ZC3H14: variants seen among roughly 807,000 people sequenced by gnomAD.
The protein encoded by ZC3H14 is zinc finger CCCH-type containing 14, also known as zinc finger CCCH domain-containing protein 14.
Under a neutral mutation model 92.4 loss-of-function variants are expected in ZC3H14, and 31 were observed. The observed-to-expected ratio is 0.34, with a 90% CI of 0.25 to 0.45. ZC3H14 has a LOEUF of 0.45. Among genes scored for constraint, ZC3H14 ranks in the 20% least tolerant of loss-of-function variants. The pLI is 1.00. For synonymous variants in ZC3H14, 321 were observed against 300.9 expected, an observed-to-expected ratio of 1.07 and a Z score of -0.69; for missense variants, 781 against 897.3, an observed-to-expected ratio of 0.87 and a Z score of 1.66.
rs910678383 is a variant in ZC3H14 at position 88,615,865 on chromosome 14, A to G, written c.*4114A>G. The G allele has an allele frequency of 1.7e-5, 27 of 1,609,858 alleles. No homozygotes were observed. In the Admixed American group the frequency reaches 3.4e-4, roughly 20 times the overall value. ...TTCCAGACAAATAAGCTGCAATCAG[A>G]GAAGAAAATTGCAGGGAGTTAATTA... On this transcript the variant is annotated 3_prime_UTR_variant, in exon 17 of 17. Coordinates refer to ENST00000251038, the MANE Select transcript of ZC3H14 (RefSeq NM_024824.5).
At chr14:88,581,834 A>T (rs1405373504) in intron 9 of ZC3H14, among the ~76,000 whole-genome samples, 1 of 152,216 alleles carries the variant, frequency 6.6e-6, no homozygotes, top group African/African-American at 2.4e-5. Context: ...ATGACATTTT[A>T]AAAAAATAAG....
intron 9 of ZC3H14, among the ~76,000 whole-genome samples, chr14:88,581,003 C>T (rs1416236592): frequency 6.6e-6 from 1 of 152,128 alleles, no homozygotes; most frequent in African/African-American, 2.4e-5. Context: ...GATCCAGCAC[C>T]AACTGTTATC....
chr14:88,599,251 T>C (rs976896918), intron 10 of ZC3H14, among the ~76,000 whole-genome samples: 2 of 152,246 alleles, frequency 1.3e-5, no homozygotes, highest in Admixed American at 6.5e-5. Flanking sequence ...TGAATTGGAT[T>C]GCTTCATTAT....
At position 88,572,882 on chromosome 14, in the gene ZC3H14, C is replaced by G. The variant is rs797046115; in HGVS notation, c.736C>G (p.Gln246Glu). The change falls in exon 6 of 17, where the codon CAG (glutamine) becomes GAG (glutamate). Residue 246 changes from glutamine to glutamate, a missense_variant. Physicochemically the swap from Gln to Glu is conservative, Grantham distance 29 (BLOSUM62 2). Coordinates refer to ENST00000251038, the MANE Select transcript of ZC3H14 (RefSeq NM_024824.5). ...GCAGAATAGTATTCATGCTGCCAAG[C>G]AGCTTGATATGCAGAGTAGTTGGGT... ...QQQNSIHAAK[Q>E]LDMQSSWVYE... 6.2e-7 allele frequency: 1 copy of G among 1,614,174 alleles called. No homozygotes were observed. The highest frequency in any genetic ancestry group is 2.2e-5 in the East Asian group (1 of 44,876).
intron 5 of ZC3H14, 116 bp from the exon 6 acceptor site, chr14:88,572,462 T>C (rs1400220048): frequency 4.9e-5 from 66 of 1,337,760 alleles, no homozygotes; most frequent in Non-Finnish European, 6.8e-5. Context: ...GAATGGAATA[T>C]GTAAAGGGAG....
intron 2 of ZC3H14, among the ~76,000 whole-genome samples, chr14:88,567,079 A>G (rs1489276852): frequency 2.0e-5 from 3 of 150,866 alleles, no homozygotes; most frequent in Non-Finnish European, 4.4e-5. Context: ...TAGGATTACC[A>G]CTAGGAGGGT....
chr14:88,567,857 GTAT>G (rs750721654), intron 2 of ZC3H14, 179 bp from the exon 3 acceptor site: 17 of 655,530 alleles, frequency 2.6e-5, no homozygotes, highest in Non-Finnish European at 4.8e-5. Flanking sequence ...CATTCTTCTA[GTAT>G]TTGAAATACC....
intron 10 of ZC3H14, among the ~76,000 whole-genome samples, chr14:88,599,298 C>G (rs1192463787): frequency 6.6e-6 from 1 of 152,182 alleles, no homozygotes; most frequent in Non-Finnish European, 1.5e-5. Flanking sequence ...CCCCTGAGTT[C>G]TTAATCATCT....
intron 9 of ZC3H14, chr14:88,594,645 C>G: frequency 5.6e-6 from 9 of 1,607,796 alleles, no homozygotes; most frequent in Non-Finnish European, 5.1e-6. Flanking sequence ...GATGAAATAA[C>G]TTAATGAGCT....
At chr14:88,590,844 G>C (rs964662450) in intron 9 of ZC3H14, 4 of 152,218 alleles carry the variant, frequency 2.6e-5, no homozygotes, top group African/African-American at 7.2e-5. Flanking sequence ...AGCTCAGTCA[G>C]TGTTTGTTGT....
intron 2 of ZC3H14, among the ~76,000 whole-genome samples, chr14:88,567,437 T>TA (rs1177458213): frequency 5.7e-4 from 85 of 150,028 alleles, no homozygotes; most frequent in African/African-American, 2.0e-3. Flanking sequence ...TTTTTTTTTT[T>TA]ATCCTAGACC....
intron 9 of ZC3H14, among the ~76,000 whole-genome samples, chr14:88,587,409 G>T (rs1189685997): frequency 1.3e-5 from 2 of 151,992 alleles, no homozygotes; most frequent in African/African-American, 2.4e-5. Context: ...CAGGCAGTCT[G>T]CCCACCTTGT....
intron 10 of ZC3H14, among the ~76,000 whole-genome samples, chr14:88,601,358 G>T (rs2084626254): frequency 6.6e-6 from 1 of 152,150 alleles, no homozygotes; most frequent in Non-Finnish European, 1.5e-5. Context: ...TGAGCTTATG[G>T]TTATTTGCAT....
intron 16 of ZC3H14, among the ~76,000 whole-genome samples, chr14:88,611,405 T>C (rs1255562157): frequency 2.0e-5 from 3 of 152,198 alleles, no homozygotes; most frequent in Non-Finnish European, 2.9e-5. Flanking sequence ...AGATTTTAAC[T>C]TCTCATTATA....
At position 88,620,708 on chromosome 14, in the gene ZC3H14, T is replaced by C; in HGVS notation, c.*8957T>C. Reference sequence around the variant, plus strand: ...CTATGGAAAATTTTACAAATGGAAGTTAAATCAAGTATATACTAGAAACTC... The same window carrying C: ...CTATGGAAAATTTTACAAATGGAAGCTAAATCAAGTATATACTAGAAACTC... On this transcript the variant is annotated 3_prime_UTR_variant, in exon 17 of 17. Transcript: ENST00000251038. This position sits in a 1 kb window ranked among gnomAD's most constrained non-coding sequence, Gnocchi z 4.3. The C allele has an allele frequency of 7.1e-7, 1 of 1,402,024 alleles. No homozygotes were observed. The allele number at this position is 1,402,024 out of a possible 1,614,324, so 86.8% of individuals were successfully genotyped here. A position where few individuals can be genotyped will look rare whatever the true frequency, so the allele number is the denominator to read the frequency against.
rs2087170645 is a variant in ZC3H14 at position 88,613,674 on chromosome 14, T to C, written c.*1923T>C. ...AGGGACCACAAAAAAAGGAAGGAAA[T>C]GAGCATGGTTGGCGATTGGAAGCAA... is the stretch of plus-strand genomic sequence containing the variant. On this transcript the variant is annotated 3_prime_UTR_variant, in exon 17 of 17. Transcript: ENST00000251038. The C allele has an allele frequency of 6.6e-6, 1 of 151,770 alleles. No homozygotes were observed. Among genetic ancestry groups the C allele is most frequent in the African/African-American group, 2.4e-5 (1 of 41,296 alleles). 9.4% of individuals were successfully genotyped at this position (151,770 alleles called of 1,614,324 possible).
At position 88,615,724 on chromosome 14, in the gene ZC3H14, G is replaced by A; in HGVS notation, c.*3973G>A. 2 of 1,198,814 alleles carry A rather than the reference G, an allele frequency of 1.7e-6. No homozygotes were observed. Among genetic ancestry groups the A allele is most frequent in the Non-Finnish European group, 1.2e-6 (1 of 839,576 alleles). The allele number at this position is 1,198,814 out of a possible 1,614,324, so 74.3% of individuals were successfully genotyped here. ...GCATTTCTCCCTGTTACAGTCTTGG[G>A]TTAGCACCACTTGACCATGCAGGGT... is the stretch of plus-strand genomic sequence containing the variant. On this transcript the variant is annotated 3_prime_UTR_variant, in exon 17 of 17. Coordinates refer to ENST00000251038, the MANE Select transcript of ZC3H14 (RefSeq NM_024824.5).
chr14:88,593,072 A>G (rs2083360493), intron 9 of ZC3H14, among the ~76,000 whole-genome samples: 1 of 150,776 alleles, frequency 6.6e-6, no homozygotes, highest in Admixed American at 6.6e-5. Flanking sequence ...GGTTCAAGCG[A>G]TTCTCCTGCC....
At chr14:88,596,681 G>A in intron 9 of ZC3H14, 53 bp from the exon 10 acceptor site, 2 of 1,491,610 alleles carry the variant, frequency 1.3e-6, no homozygotes, top group Non-Finnish European at 1.9e-6. Context: ...GGAACCACAT[G>A]CTGGTATTGT....
Sources: gnomAD v4.1 joint callset for allele counts (sites outside exome capture counted in the v4.1 genomes callset) on GRCh38, gnomAD v4.1.1 for gene constraint, Gnocchi (gnomAD v3.1) non-coding constraint, MANE v1.5 for transcripts, NCBI Gene and HGNC (gene_info 2026-07-23, HGNC 2026-07-21) for gene names.